ZBTB40: variants seen among roughly 807,000 people sequenced by gnomAD.
ZBTB40 encodes zinc finger and BTB domain containing 40.
ZBTB40 carries 60 observed loss-of-function variants against 117.5 expected under a neutral mutation model. The ratio of observed to expected loss-of-function variants is 0.51; its 90% confidence interval spans 0.41 to 0.63. The LOEUF (loss-of-function observed/expected upper bound fraction) is 0.63. Among genes scored for constraint, ZBTB40 ranks in the 30% least tolerant of loss-of-function variants. The pLI, the probability that ZBTB40 is intolerant of heterozygous loss-of-function variation, is 0.00. For synonymous variants in ZBTB40, 525 were observed against 577.1 expected, an observed-to-expected ratio of 0.91 and a Z score of 1.29; for missense variants, 1,287 against 1,498.5, an observed-to-expected ratio of 0.86 and a Z score of 2.33.
In ZBTB40 at chr1:22,512,029, C is replaced by T. The variant is rs1442427744; in HGVS notation, c.2356C>T (p.Leu786=). Residue 786 remains leucine (L), a synonymous_variant, in exon 11 of 18, where the codon CTG becomes TTG. Coordinates refer to ENST00000375647, the MANE Select transcript of ZBTB40 (RefSeq NM_014870.4). ...AAAGAAAGAGCTGGACAAACATCAG[C>T]TGGAGGCCCATGGTGCAGGTGGAGA... ...DSKKELDKHQ[L]EAHGAGGEPD... 1.4e-5 allele frequency: 23 copies of T among 1,614,136 alleles called. No homozygotes were observed. The highest frequency in any genetic ancestry group is 1.9e-5 in the Non-Finnish European group (22 of 1,180,040).
At chr1:22,502,799 T>C (rs940590499) in intron 5 of ZBTB40, among the ~76,000 whole-genome samples, 1 of 152,210 alleles carries the variant, frequency 6.6e-6, no homozygotes, top group African/African-American at 2.4e-5. Context: ...TGTAAACAAC[T>C]GTATCCAGAA....
At chr1:22,515,199 C>T (rs189560424) in intron 12 of ZBTB40, among the ~76,000 whole-genome samples, 2 of 152,260 alleles carry the variant, frequency 1.3e-5, no homozygotes, top group Non-Finnish European at 1.5e-5. Flanking sequence ...CCGGTGGAAA[C>T]GAGCTTTACC....
At chr1:22,519,786 A>T (rs960251411) in intron 13 of ZBTB40, 2 of 491,938 alleles carry the variant, frequency 4.1e-6, no homozygotes, top group Middle Eastern at 5.8e-4. Context: ...AACTTGAAAG[A>T]TGTAAAATGA....
chr1:22,512,190 G>A (rs1639259247), intron 11 of ZBTB40, 56 bp downstream of exon 11: 18 of 1,594,976 alleles, frequency 1.1e-5, no homozygotes, highest in Non-Finnish European at 1.5e-5. Context: ...TTATAGCTTG[G>A]ATTTCAGGCC....
At chr1:22,439,642 A>G (rs1215498130) in intron 1 of ZBTB40, among the ~76,000 whole-genome samples, 1 of 152,218 alleles carries the variant, frequency 6.6e-6, no homozygotes, top group Non-Finnish European at 1.5e-5. Flanking sequence ...TTATTTGACC[A>G]TATATGGGGA....
chr1:22,528,816 A>T lies in ZBTB40; in HGVS notation c.*2420A>T, dbSNP rs780809605. ...CTCCCAAAGTGCTAGGATTACAGAC[A>T]TGAGCCACTACGCCTGGCCAGGTTT... On this transcript the variant is annotated 3_prime_UTR_variant, in exon 18 of 18. Transcript: ENST00000375647. 6 of 151,994 alleles carry T rather than the reference A, an allele frequency of 3.9e-5. No individual in the cohort carries two copies. Among genetic ancestry groups the T allele is most frequent in the Non-Finnish European group, 5.9e-5 (4 of 68,036 alleles). 9.4% of individuals were successfully genotyped at this position (151,994 alleles called of 1,614,324 possible).
intron 15 of ZBTB40, among the ~76,000 whole-genome samples, chr1:22,522,053 T>C (rs1408124075): frequency 6.6e-6 from 1 of 152,188 alleles, no homozygotes; most frequent in Non-Finnish European, 1.5e-5. Flanking sequence ...TAAAACCTAC[T>C]TTGCAGGTAA....
At chr1:22,454,233 G>A (rs1438189367) in intron 1 of ZBTB40, among the ~76,000 whole-genome samples, 3 of 152,196 alleles carry the variant, frequency 2.0e-5, no homozygotes, top group South Asian at 4.1e-4. Flanking sequence ...GATTATAGGC[G>A]TGAGCCATCG....
At chr1:22,482,597 TGAA>T (rs2124419977) in intron 1 of ZBTB40, among the ~76,000 whole-genome samples, 1 of 152,344 alleles carries the variant, frequency 6.6e-6, no homozygotes, top group African/African-American at 2.4e-5. Context: ...TGTAGATTCA[TGAA>T]GAATAATTTC....
chr1:22,434,904 A>G (rs1490814576), intron 1 of ZBTB40, among the ~76,000 whole-genome samples: 1 of 152,176 alleles, frequency 6.6e-6, no homozygotes, highest in Non-Finnish European at 1.5e-5. Context: ...AGTTTCAGAA[A>G]AAAACGTGTT....
chr1:22,454,888 G>A (rs990725935), intron 1 of ZBTB40, among the ~76,000 whole-genome samples: 16 of 152,238 alleles, frequency 1.1e-4, no homozygotes, highest in African/African-American at 3.6e-4. Flanking sequence ...AGCTCCAAAT[G>A]GAAACTTTAT....
At chr1:22,432,917 C>G (rs1484460829) in intron 1 of ZBTB40, among the ~76,000 whole-genome samples, 1 of 152,112 alleles carries the variant, frequency 6.6e-6, no homozygotes, top group Admixed American at 6.5e-5. Context: ...AATGGAAAAG[C>G]AAGTCACGTA....
At chr1:22,479,638 TA>T (rs1230965354) in intron 1 of ZBTB40, among the ~76,000 whole-genome samples, 2 of 152,212 alleles carry the variant, frequency 1.3e-5, no homozygotes, top group African/African-American at 2.4e-5. Context: ...ACTCATTCTT[TA>T]ATTCTAGAAA....
chr1:22,504,845 A>G (rs533739147), intron 5 of ZBTB40, among the ~76,000 whole-genome samples: 1 of 152,346 alleles, frequency 6.6e-6, no homozygotes, highest in African/African-American at 2.4e-5. Flanking sequence ...GCTTACTCTT[A>G]CCAGTATCTG....
intron 9 of ZBTB40, 97 bp downstream of exon 9, chr1:22,509,330 T>G: frequency 6.4e-7 from 1 of 1,557,594 alleles, no homozygotes; most frequent in Non-Finnish European, 8.8e-7. Flanking sequence ...TTGGTTGGGT[T>G]GTTTTTCCTT....
intron 2 of ZBTB40, 127 bp downstream of exon 2, chr1:22,490,772 C>G (rs1170675737): frequency 2.0e-6 from 2 of 1,005,640 alleles, no homozygotes; most frequent in Non-Finnish European, 3.0e-6. Flanking sequence ...CAGTACCGTA[C>G]TGGGCCATTC....
intron 1 of ZBTB40, among the ~76,000 whole-genome samples, chr1:22,483,729 G>T (rs185982031): frequency 6.6e-6 from 1 of 152,126 alleles, no homozygotes; most frequent in East Asian, 1.9e-4. Flanking sequence ...CCCAGTCTGT[G>T]GCTTGTCTTT....
chr1:22,454,670 T>G (rs1640964146), intron 1 of ZBTB40, among the ~76,000 whole-genome samples: 2 of 152,230 alleles, frequency 1.3e-5, no homozygotes, highest in African/African-American at 4.8e-5. Flanking sequence ...TGTGGTTCAC[T>G]CCTGTGCTCA....
chr1:22,433,431 T>TCAAAGAACAAAAACAAAAA (rs1640623600), intron 1 of ZBTB40, among the ~76,000 whole-genome samples: 1 of 4,302 alleles, frequency 2.3e-4, no homozygotes, highest in African/African-American at 4.6e-4. Context: ...AGACGCCCTC[T>TCAAAGAACAAAAACAAAAA]CAAAAAAAAA....
Sources: gnomAD v4.1 joint callset for allele counts (sites outside exome capture counted in the v4.1 genomes callset) on GRCh38, gnomAD v4.1.1 for gene constraint, MANE v1.5 for transcripts, NCBI Gene and HGNC (gene_info 2026-07-23, HGNC 2026-07-21) for gene names.